The following CTNND2 variants were observed in gnomAD, a reference collection of about 807,000 sequenced individuals.
CTNND2 encodes catenin delta 2, also known as catenin delta-2.
Under a neutral mutation model 144.4 loss-of-function variants are expected in CTNND2, and 22 were observed. That is an observed-to-expected ratio of 0.15 (90% CI 0.11 to 0.22). The LOEUF (loss-of-function observed/expected upper bound fraction) is 0.22. Ranked by LOEUF, CTNND2 falls within the 10% of genes least tolerant of loss-of-function variation. The pLI, the probability that CTNND2 is intolerant of heterozygous loss-of-function variation, is 1.00. For missense variants in CTNND2, 1,353 were observed against 1,618.8 expected, an observed-to-expected ratio of 0.84 and a Z score of 2.82; for synonymous variants, 751 against 695.6, an observed-to-expected ratio of 1.08 and a Z score of -1.25.
At chr5:11,446,564 C>A (rs529250304) in intron 3 of CTNND2, among the ~76,000 whole-genome samples, 4 of 152,220 alleles carry the variant, frequency 2.6e-5, no homozygotes, top group South Asian at 4.2e-4. Context: ...ACAAAGGGGT[C>A]TCAGATTCTG....
rs777721558 is a variant in CTNND2, at chr5:11,384,955, C to T, written c.887G>A (p.Arg296His). 3.2e-6 allele frequency: 5 copies of T among 1,568,484 alleles called. No homozygotes were observed. Among genetic ancestry groups the T allele is most frequent in the Non-Finnish European group, 8.6e-7 (1 of 1,161,304 alleles). The change falls in exon 7 of 22, where the codon CGC becomes CAC. Residue 296 changes from arginine (R) to histidine (H), a missense_variant. Transcript: ENST00000304623. The surrounding 1 kb of genome is among the most constrained non-coding windows in gnomAD (Gnocchi z 5.2). The stretch of plus-strand genomic sequence containing the variant: ...GGGCGACTGCTTGGGCGAGGAGCCG[C>T]GCGGCGCGGCGTAGGTGGCGCCCTC... The part of the protein sequence containing the change: ...APEGATYAAP[R>H]GSSPKQSPSR...
At chr5:11,018,874 C>G (rs1331409884) in intron 17 of CTNND2, among the ~76,000 whole-genome samples, 2 of 152,030 alleles carry the variant, frequency 1.3e-5, no homozygotes, top group Non-Finnish European at 2.9e-5. Context: ...CCATGCCCAG[C>G]TATTTTGTAT....
chr5:11,182,844 T>G (rs1332317438), intron 11 of CTNND2, among the ~76,000 whole-genome samples: 1 of 152,228 alleles, frequency 6.6e-6, no homozygotes, highest in East Asian at 1.9e-4. Flanking sequence ...TTCATTACAC[T>G]GCAGCCCTAA....
At chr5:11,612,177 C>G (rs970437205) in intron 2 of CTNND2, among the ~76,000 whole-genome samples, 1 of 152,168 alleles carries the variant, frequency 6.6e-6, no homozygotes, top group African/African-American at 2.4e-5. Context: ...AAAGTAGACA[C>G]TCCTTTCTGT....
chr5:11,645,935 T>A (rs1031256641), intron 2 of CTNND2, among the ~76,000 whole-genome samples: 7 of 152,196 alleles, frequency 4.6e-5, no homozygotes, highest in Non-Finnish European at 8.8e-5. Flanking sequence ...TTATTTTTTT[T>A]AAATTTAAAA....
At chr5:11,522,182 GA>G (rs1159509616) in intron 3 of CTNND2, among the ~76,000 whole-genome samples, 1 of 152,174 alleles carries the variant, frequency 6.6e-6, no homozygotes, top group African/African-American at 2.4e-5. Context: ...CATACTTTCT[GA>G]ATCTCTATGT....
intron 16 of CTNND2, among the ~76,000 whole-genome samples, chr5:11,045,730 T>C (rs1035278832): frequency 5.3e-5 from 8 of 152,180 alleles, no homozygotes; most frequent in African/African-American, 1.7e-4. Context: ...CTTAACTTAA[T>C]TGTATCTGCA....
intron 1 of CTNND2, among the ~76,000 whole-genome samples, chr5:11,874,449 A>G (rs867626765): frequency 2.6e-5 from 4 of 152,198 alleles, no homozygotes; most frequent in African/African-American, 9.6e-5. Flanking sequence ...ACAATAGGAC[A>G]AGTATGATAT....
Position 11,372,660 on chromosome 5 carries a change from A to G in CTNND2, c.1178-7770T>C, listed in dbSNP as rs5865935. 4.7e-3 allele frequency among the ~76,000 whole-genome samples: 713 copies of G among 152,206 alleles called. 6 individuals are homozygous for G. Among genetic ancestry groups the G allele is most frequent in the African/African-American group, 0.017 (686 of 41,536 alleles). ...GTTTCCTATCTCACAGGAAGTAGAA[A>G]GTAGCACCAAATTTACTAGCCACGT... On this transcript the variant is annotated intron_variant, in intron 7 of 21. Coordinates refer to ENST00000304623, the MANE Select transcript of CTNND2 (RefSeq NM_001332.4).
chr5:11,398,882 G>A (rs1225074167), intron 5 of CTNND2, among the ~76,000 whole-genome samples: 1 of 152,216 alleles, frequency 6.6e-6, no homozygotes, highest in Non-Finnish European at 1.5e-5. Flanking sequence ...CACTGCTATG[G>A]AAGCTGCCAG....
At chr5:11,136,247 T>A (rs967359987) in intron 12 of CTNND2, among the ~76,000 whole-genome samples, 1 of 152,236 alleles carries the variant, frequency 6.6e-6, no homozygotes, top group African/African-American at 2.4e-5. Context: ...TACAGTAGAC[T>A]GAACAGAGAC....
At chr5:11,888,388 C>T (rs1028380134) in intron 1 of CTNND2, among the ~76,000 whole-genome samples, 3 of 152,146 alleles carry the variant, frequency 2.0e-5, no homozygotes, top group Admixed American at 2.0e-4. Flanking sequence ...AACGTACTAG[C>T]CTGTGGGCTC....
chr5:11,801,090 C>T (rs1186136106), intron 1 of CTNND2, among the ~76,000 whole-genome samples: 1 of 152,180 alleles, frequency 6.6e-6, no homozygotes, highest in African/African-American at 2.4e-5. Flanking sequence ...GCTGTTCTTC[C>T]ATAATTATCT....
chr5:11,555,489 A>G (rs909950191), intron 3 of CTNND2, among the ~76,000 whole-genome samples: 9 of 152,190 alleles, frequency 5.9e-5, no homozygotes, highest in African/African-American at 2.2e-4. Context: ...TAAAGAAGCA[A>G]CGGCTGTAAA....
At chr5:11,400,977 T>C (rs1452149861) in intron 5 of CTNND2, among the ~76,000 whole-genome samples, 1 of 152,234 alleles carries the variant, frequency 6.6e-6, no homozygotes, top group Non-Finnish European at 1.5e-5. Flanking sequence ...AAGTCCTGTG[T>C]AAACAGAAAT....
At position 11,864,658 on chromosome 5, in the gene CTNND2, G is replaced by A. The variant is rs181489777; in HGVS notation, c.37+39159C>T. Among the ~76,000 whole-genome samples, 41 of 152,174 alleles carry A rather than the reference G, an allele frequency of 2.7e-4. 1 individual carries two copies. The East Asian group carries it at 8.0e-3, about 30-fold the overall frequency. ...CACAGGACAGATAACTGTGTTGTAGGGGGGCTCTCCTTTGTATTGTAAGAT... is the reference window on the plus strand; with the variant it reads ...CACAGGACAGATAACTGTGTTGTAGAGGGGCTCTCCTTTGTATTGTAAGAT... On this transcript the variant is annotated intron_variant, in intron 1 of 21. Coordinates refer to ENST00000304623, the MANE Select transcript of CTNND2 (RefSeq NM_001332.4).
chr5:11,804,284 CTGTT>C lies in CTNND2; in HGVS notation c.38-72016_38-72013del, dbSNP rs1791876936. ...AAAATGGTATAGCCATTCTGGAAGACTGTTTGGCAGCTGCTTTAGTATACAACTA... is the reference window on the plus strand; with the variant it reads ...AAAATGGTATAGCCATTCTGGAAGACTGGCAGCTGCTTTAGTATACAACTA... On this transcript the variant is annotated intron_variant, in intron 1 of 21. Coordinates refer to ENST00000304623, the MANE Select transcript of CTNND2 (RefSeq NM_001332.4). 1.3e-5 allele frequency among the ~76,000 whole-genome samples: 2 copies of C among 152,210 alleles called. 1 individual carries two copies. Among genetic ancestry groups the C allele is most frequent in the South Asian group, 4.1e-4 (2 of 4,828 alleles).
chr5:11,082,938 G>T, intron 15 of CTNND2, 92 bp from the exon 16 acceptor site: 2 of 1,420,946 alleles, frequency 1.4e-6, no homozygotes, highest in East Asian at 2.4e-5. Flanking sequence ...CTGCTTACAG[G>T]AGCCAAAAAG....
intron 2 of CTNND2, among the ~76,000 whole-genome samples, chr5:11,652,665 T>C (rs1782703659): frequency 6.6e-6 from 1 of 152,222 alleles, no homozygotes; most frequent in Non-Finnish European, 1.5e-5. Flanking sequence ...TACACAGACA[T>C]TGTGAAGTAA....
Sources: allele counts gnomAD v4.1 joint callset (sites outside exome capture counted in the v4.1 genomes callset), GRCh38; gene constraint gnomAD v4.1.1; non-coding constraint Gnocchi (gnomAD v3.1); transcripts MANE v1.5; gene names NCBI Gene and HGNC (gene_info 2026-07-23, HGNC 2026-07-21).